The following GET1 variants were observed in gnomAD, a reference collection of about 807,000 sequenced individuals.
GET1 encodes the protein guided entry of tail-anchored proteins factor 1, also known as congenital heart disease 5 protein.
GET1 carries 20 observed loss-of-function variants against 22.6 expected under a neutral mutation model. That is an observed-to-expected ratio of 0.89 (90% confidence interval 0.62 to 1.29). The LOEUF (loss-of-function observed/expected upper bound fraction) is 1.29, where lower values mean the gene tolerates loss of function less well. Among genes scored for constraint, GET1 ranks in the 50% most tolerant of loss-of-function variants. The pLI is 0.00. For missense variants in GET1, 209 were observed against 219.9 expected (o/e 0.95, Z 0.31); for synonymous variants, 92 against 83.8 (o/e 1.10, Z -0.53).
chr21:39,419,412 C>G (rs964851281), intron 1 of GET1, among the ~76,000 whole-genome samples: 1 of 151,494 alleles, frequency 6.6e-6, no homozygotes, highest in African/African-American at 2.4e-5. Flanking sequence ...GTGATCCCAG[C>G]TACTTGGGAG....
chr21:39,383,205 T>C lies in GET1; in HGVS notation c.102+2719T>C, dbSNP rs1034432799. The stretch of plus-strand genomic sequence containing the variant: ...TCCTGACCTTGTGATCTGCCCGCCT[T>C]GGCCTCCCAAAGTGCTGGGATTACA... On this transcript the variant is annotated intron_variant, in intron 1 of 4. Coordinates refer to ENST00000649170, the MANE Select transcript of GET1 (RefSeq NM_004627.6). Among the ~76,000 whole-genome samples, 28 of 152,074 alleles carry C rather than the reference T, an allele frequency of 1.8e-4. No homozygotes were observed. In the East Asian group the frequency reaches 2.5e-3, roughly 14 times the overall value.
intron 1 of GET1, among the ~76,000 whole-genome samples, chr21:39,388,388 C>A (rs1347193650): frequency 1.3e-5 from 2 of 152,176 alleles, no homozygotes; most frequent in Non-Finnish European, 2.9e-5. Context: ...CCCCACGTTT[C>A]GCAGTAATGT....
downstream of GET1, among the ~76,000 whole-genome samples, chr21:39,398,914 A>G (rs768241319): frequency 1.7e-4 from 26 of 148,676 alleles, no homozygotes; most frequent in Non-Finnish European, 3.6e-4. Context: ...TAATTTTTGT[A>G]TTTTTAGTAG....
At chr21:39,423,574 C>T in intron 1 of GET1, 1 of 1,184,086 alleles carries the variant, frequency 8.4e-7, no homozygotes, top group Non-Finnish European at 1.2e-6. Flanking sequence ...CTCTCCCATG[C>T]CCCCATGCAC....
chr21:39,388,856 G>T (rs2146952985), intron 1 of GET1, among the ~76,000 whole-genome samples: 1 of 152,322 alleles, frequency 6.6e-6, no homozygotes, highest in East Asian at 1.9e-4. Context: ...GCTGGTGCAG[G>T]GAACAGGGGC....
At chr21:39,400,739 T>C (rs1022111909), downstream of GET1, among the ~76,000 whole-genome samples, 1 of 152,130 alleles carries the variant, frequency 6.6e-6, no homozygotes, top group Non-Finnish European at 1.5e-5. Flanking sequence ...TGCATGCATC[T>C]TTGGGTTCTA....
At chr21:39,393,304 G>A in intron 4 of GET1, 24 bp downstream of exon 4, 4 of 1,564,066 alleles carry the variant, frequency 2.6e-6, no homozygotes, top group Non-Finnish European at 3.5e-6. Flanking sequence ...GGAAGATGCA[G>A]TGGAAGAGTG....
chr21:39,384,485 C>T (rs867876672), intron 1 of GET1, among the ~76,000 whole-genome samples: 10 of 151,752 alleles, frequency 6.6e-5, no homozygotes, highest in South Asian at 4.2e-4. Flanking sequence ...GTCTCGAACT[C>T]CTGACCTAAG....
chr21:39,419,281 T>C (rs1278401820), intron 1 of GET1, among the ~76,000 whole-genome samples: 2 of 152,034 alleles, frequency 1.3e-5, no homozygotes, highest in Non-Finnish European at 2.9e-5. Context: ...TCCTAACACT[T>C]TGGAAGGCCA....
chr21:39,428,372 T>C (rs1009522613), exon 2 of GET1: 1 of 1,613,572 alleles, frequency 6.2e-7, no homozygotes, highest in Non-Finnish European at 8.5e-7. Context: ...AGCATTACTG[T>C]TCCGTGAAAA....
chr21:39,411,674 A>C lies in GET1; in HGVS notation c.*23+737A>C, dbSNP rs73365941. 746 of 979,866 alleles carry C rather than the reference A, an allele frequency of 7.6e-4. 4 individuals are homozygous for C. The African/African-American group carries it at 0.011, about 14-fold the overall frequency. 60.7% of individuals were successfully genotyped at this position (979,866 alleles called of 1,614,324 possible). On this transcript the variant is annotated intron_variant, in intron 1 of 1. Transcript: ENST00000478273. ...CTATATAAATTAGGAAAATCTGACT[A>C]GATACTTAAAAATAGATTTTGAGCA... is the stretch of plus-strand genomic sequence containing the variant.
intron 1 of GET1, among the ~76,000 whole-genome samples, chr21:39,420,522 C>CAAAAAAAAAAAAAAAAAA (rs397972848): frequency 1.1e-5 from 1 of 87,140 alleles, no homozygotes; most frequent in Non-Finnish European, 2.0e-5. Context: ...GATTCTATCT[C>CAAAAAAAAAAAAAAAAAA]AAAAAAAAAA....
rs567643548 is a variant in GET1, at chr21:39,388,674, G to C, written c.103-2024G>C. On this transcript the variant is annotated intron_variant, in intron 1 of 4. Coordinates refer to ENST00000649170, the MANE Select transcript of GET1 (RefSeq NM_004627.6). ...TGATCCCTTGGGGTAGGTGCCAGAG[G>C]CGCCACTGAGGGATCTGGTCTTGGG... Among the ~76,000 whole-genome samples the C allele has an allele frequency of 3.9e-5, 6 of 152,332 alleles. No individual in the cohort carries two copies. The East Asian group carries it at 1.2e-3, about 29-fold the overall frequency.
chr21:39,390,598 C>T, intron 1 of GET1, 100 bp from the exon 2 acceptor site: 1 of 1,481,828 alleles, frequency 6.7e-7, no homozygotes, highest in South Asian at 1.3e-5. Flanking sequence ...CTGGCTGGGT[C>T]ACAGAGTGGT....
At chr21:39,399,149 T>C (rs1419618660), downstream of GET1, among the ~76,000 whole-genome samples, 1 of 152,262 alleles carries the variant, frequency 6.6e-6, no homozygotes, top group Non-Finnish European at 1.5e-5. Context: ...CCCAAAGTTT[T>C]CCTCTGTTAA....
intron 2 of GET1, chr21:39,391,481 G>A: frequency 2.7e-6 from 1 of 364,222 alleles, no homozygotes; most frequent in South Asian, 2.5e-5. Flanking sequence ...CTGTTGGTAA[G>A]TGGTAACTGT....
At chr21:39,405,215 G>C (rs1236005711) in intron 4 of GET1, among the ~76,000 whole-genome samples, 1 of 151,212 alleles carries the variant, frequency 6.6e-6, no homozygotes, top group African/African-American at 2.4e-5. Flanking sequence ...TTTATTTTTT[G>C]AGACACGGTC....
At chr21:39,427,126 G>A (rs546070636) in intron 1 of GET1, among the ~76,000 whole-genome samples, 1 of 152,186 alleles carries the variant, frequency 6.6e-6, no homozygotes, top group Non-Finnish European at 1.5e-5. Context: ...ACATGGCGGT[G>A]GCAGATGCAC....
chr21:39,380,536 C>T, intron 1 of GET1, 50 bp downstream of exon 1: 4 of 1,576,140 alleles, frequency 2.5e-6, no homozygotes, highest in Middle Eastern at 1.7e-4. Flanking sequence ...CCGCCCCAGT[C>T]CCCCGGCGGG....
Sources: gnomAD v4.1 joint callset for allele counts (sites outside exome capture counted in the v4.1 genomes callset) on GRCh38, gnomAD v4.1.1 for gene constraint, MANE v1.5 for transcripts, NCBI Gene and HGNC (gene_info 2026-07-23, HGNC 2026-07-21) for gene names.